The following PCLO variants were observed in gnomAD, a reference collection of about 807,000 sequenced individuals.
PCLO encodes protein piccolo.
PCLO carries 82 observed loss-of-function variants against 427.5 expected under a neutral mutation model. The ratio of observed to expected loss-of-function variants is 0.19; its 90% CI spans 0.16 to 0.23. The LOEUF (loss-of-function observed/expected upper bound fraction) is 0.23. Among genes scored for constraint, PCLO ranks in the 10% least tolerant of loss-of-function variants. The pLI, the probability that PCLO is intolerant of heterozygous loss-of-function variation, is 1.00. For missense variants in PCLO, 6,239 were observed against 6,115.9 expected (o/e 1.02, Z -0.67); for synonymous variants, 2,357 against 2,155.4 (o/e 1.09, Z -2.59).
At chr7:82,850,041 C>A (rs1413797441) in intron 10 of PCLO, among the ~76,000 whole-genome samples, 1 of 151,992 alleles carries the variant, frequency 6.6e-6, no homozygotes, top group Non-Finnish European at 1.5e-5. Context: ...CAGGGTCTTG[C>A]ACTATCACCC....
intron 8 of PCLO, 55 bp downstream of exon 8, chr7:82,908,822 T>C (rs1794252967): frequency 6.9e-7 from 1 of 1,450,268 alleles, no homozygotes; most frequent in Non-Finnish European, 9.6e-7. Context: ...CATTCTAGGG[T>C]AGACTTGAGT....
At chr7:82,857,410 T>C (rs985311791) in intron 10 of PCLO, among the ~76,000 whole-genome samples, 1 of 152,144 alleles carries the variant, frequency 6.6e-6, no homozygotes, top group Non-Finnish European at 1.5e-5. Context: ...ATGATATTCA[T>C]ATATTCTGTA....
chr7:82,960,477 A>G (rs1222208493), intron 4 of PCLO, among the ~76,000 whole-genome samples: 4 of 152,200 alleles, frequency 2.6e-5, no homozygotes, highest in African/African-American at 9.6e-5. Context: ...AGTACCTGCT[A>G]AAGAATGTTC....
intron 3 of PCLO, among the ~76,000 whole-genome samples, chr7:82,973,989 A>C (rs1795962626): frequency 6.6e-6 from 1 of 152,210 alleles, no homozygotes; most frequent in African/African-American, 2.4e-5. Context: ...TATTACATAA[A>C]TAACACATAA....
chr7:83,103,879 AT>A (rs2116496565), intron 3 of PCLO, among the ~76,000 whole-genome samples: 1 of 152,126 alleles, frequency 6.6e-6, no homozygotes, highest in African/African-American at 2.4e-5. Flanking sequence ...TTTACCCCAA[AT>A]AAAGATATTT....
chr7:82,821,841 G>A lies in PCLO; in HGVS notation c.14791+654C>T. ...ATGCTTATACATATATTAATTTAAT[G>A]TAGTTTTTTGAGAATGTAAGAAATA... On this transcript the variant is annotated intron_variant, in intron 20 of 24. Coordinates refer to ENST00000333891, the MANE Select transcript of PCLO (RefSeq NM_033026.6). The A allele has an allele frequency of 6.1e-6, 6 of 981,712 alleles. No homozygotes were observed. The South Asian group carries it at 1.9e-4, about 31-fold the overall frequency. 60.8% of individuals were successfully genotyped at this position (981,712 alleles called of 1,614,324 possible).
intron 9 of PCLO, among the ~76,000 whole-genome samples, chr7:82,899,127 A>G (rs548308318): frequency 3.3e-5 from 5 of 151,614 alleles, no homozygotes; most frequent in African/African-American, 4.8e-5. Context: ...ATACTTCAAA[A>G]CATCATAATG....
At chr7:83,020,603 T>C (rs777417886) in intron 3 of PCLO, among the ~76,000 whole-genome samples, 9 of 152,142 alleles carry the variant, frequency 5.9e-5, no homozygotes, top group South Asian at 2.1e-4. Context: ...ACCAGACAAA[T>C]AATGCTTGTG....
At chr7:83,070,673 C>A (rs1789791484) in intron 3 of PCLO, among the ~76,000 whole-genome samples, 2 of 152,210 alleles carry the variant, frequency 1.3e-5, no homozygotes, top group South Asian at 4.1e-4. Flanking sequence ...AGGCGTGAGC[C>A]ACTGCACCCA....
rs1344206205 is a variant in PCLO, at chr7:82,965,293, CCTTTTTT to C, written c.4017+471_4017+477del. ...GATTTTAGTTACGTCATTTTTTTTT[CCTTTTTT>C]CTTTTTTCTTTCTTTCTTTTTTTTT... On this transcript the variant is annotated intron_variant, in intron 4 of 24. Transcript: ENST00000333891. Among the ~76,000 whole-genome samples, 601 of 148,492 alleles carry C rather than the reference CCTTTTTT, an allele frequency of 4.0e-3. 2 individuals are homozygous for C. Among genetic ancestry groups the C allele is most frequent in the African/African-American group, 0.014 (577 of 40,218 alleles).
At chr7:82,902,593 A>C in intron 9 of PCLO, 58 bp downstream of exon 9, 1 of 943,400 alleles carries the variant, frequency 1.1e-6, no homozygotes, top group Non-Finnish European at 1.6e-6. Context: ...AAAATGCAAA[A>C]CAAAACAAAA....
chr7:83,010,093 T>G lies in PCLO; in HGVS notation c.3301-43606A>C, dbSNP rs75576627. The stretch of plus-strand genomic sequence containing the variant: ...CTGTACCTATCACATAGAATTGTCA[T>G]GAGGATTAAAGGGGTAACTGTCACA... On this transcript the variant is annotated intron_variant, in intron 3 of 24. Coordinates refer to ENST00000333891, the MANE Select transcript of PCLO (RefSeq NM_033026.6). Among the ~76,000 whole-genome samples the G allele has an allele frequency of 9.5e-3, 1,449 of 152,014 alleles. 32 individuals are homozygous for G. Among genetic ancestry groups the G allele is most frequent in the African/African-American group, 0.031 (1,280 of 41,520 alleles).
chr7:83,051,245 G>C (rs542325577), intron 3 of PCLO, among the ~76,000 whole-genome samples: 1 of 151,832 alleles, frequency 6.6e-6, no homozygotes, highest in South Asian at 2.1e-4. Context: ...AGATATATAG[G>C]TTGGGAAGAA....
rs763144586 is a variant in PCLO at position 83,162,550 on chromosome 7, C to T, written c.43G>A (p.Gly15Arg). 1.9e-5 allele frequency: 30 copies of T among 1,552,254 alleles called. No homozygotes were observed. The highest frequency in any genetic ancestry group is 2.5e-5 in the Non-Finnish European group (29 of 1,149,346). Residue 15 changes from glycine to arginine, a missense_variant, in exon 1 of 25, where the codon GGG becomes AGG. Transcript: ENST00000333891. ...CCAGCCGCTGCGGCCGCCGCCAGCC[C>T]TTCGGGGAGCCCTTCCCCTTCCAAG... is the stretch of plus-strand genomic sequence containing the variant. ...ASLEGEGLPE[G>R]LAAAAAAGGG... is the part of the protein sequence containing the mutation.
intron 3 of PCLO, among the ~76,000 whole-genome samples, chr7:82,966,883 A>T (rs947425592): frequency 6.6e-6 from 1 of 152,144 alleles, no homozygotes; most frequent in African/African-American, 2.4e-5. Flanking sequence ...AAAGACTATT[A>T]TATTTCATAA....
At chr7:83,118,372 G>T (rs555875128) in intron 3 of PCLO, among the ~76,000 whole-genome samples, 2 of 152,130 alleles carry the variant, frequency 1.3e-5, no homozygotes, top group Admixed American at 1.3e-4. Context: ...AAGCATCTTC[G>T]TAAGAGCCAA....
At chr7:82,824,549 C>G in intron 18 of PCLO, 133 bp from the exon 19 acceptor site, 1 of 494,560 alleles carries the variant, frequency 2.0e-6, no homozygotes, top group Non-Finnish European at 3.5e-6. Flanking sequence ...GATGATGATT[C>G]TTTCTTCCTC....
chr7:83,159,912 A>C (rs2116705425), intron 1 of PCLO, among the ~76,000 whole-genome samples: 1 of 152,260 alleles, frequency 6.6e-6, no homozygotes, highest in South Asian at 2.1e-4. Context: ...AGTTAGTCAC[A>C]GAAATCTGGT....
At chr7:82,890,470 T>C (rs1793731564) in intron 9 of PCLO, among the ~76,000 whole-genome samples, 1 of 151,930 alleles carries the variant, frequency 6.6e-6, no homozygotes, top group Admixed American at 6.6e-5. Context: ...TAAGGCTGAT[T>C]CCATATTCAA....
Sources: allele counts gnomAD v4.1 joint callset (sites outside exome capture counted in the v4.1 genomes callset), GRCh38; gene constraint gnomAD v4.1.1; transcripts MANE v1.5; gene names NCBI Gene and HGNC (gene_info 2026-07-23, HGNC 2026-07-21).